The following UTP20 variants were observed in gnomAD, a reference collection of about 807,000 sequenced individuals.
UTP20 encodes small subunit processome component 20 homolog.
Under a neutral mutation model 329.5 loss-of-function variants are expected in UTP20, and 164 were observed. The ratio of observed to expected loss-of-function variants is 0.50; its 90% CI spans 0.44 to 0.57. The LOEUF is 0.57. UTP20 is among the 20% of genes least tolerant of loss of function. The pLI, the probability that UTP20 is intolerant of heterozygous loss-of-function variation, is 0.00. For synonymous variants in UTP20, 1,151 were observed against 1,159.3 expected, an observed-to-expected ratio of 0.99 and a Z score of 0.14; for missense variants, 3,055 against 3,284.2, an observed-to-expected ratio of 0.93 and a Z score of 1.71.
At chr12:101,380,073 G>A (rs903537073) in intron 57 of UTP20, among the ~76,000 whole-genome samples, 2 of 152,098 alleles carry the variant, frequency 1.3e-5, no homozygotes, top group African/African-American at 4.8e-5. Flanking sequence ...ATGAGATCAC[G>A]TTCATGAAAA....
chr12:101,306,187 G>A (rs1342342918), intron 16 of UTP20, 122 bp downstream of exon 16: 26 of 1,254,878 alleles, frequency 2.1e-5, no homozygotes, highest in Non-Finnish European at 2.6e-5. Context: ...TGTTTAAAGC[G>A]ATGATTCTTA....
In UTP20 at chr12:101,292,001, T is replaced by A; in HGVS notation, c.1070T>A (p.Leu357His). Residue 357 changes from leucine (L) to histidine (H), a missense_variant, in exon 10 of 62, where the codon CTC (leucine) becomes CAC (histidine). Physicochemically the swap from Leu to His is moderately conservative, Grantham distance 99. Around this residue, in one of 3 missense-constraint regions of UTP20, gnomAD observed 2,445 missense variants for 2,575.5 expected, o/e 0.95. Coordinates refer to ENST00000261637, the MANE Select transcript of UTP20 (RefSeq NM_014503.3). ...VLSQTLQVASLSTSCWETLLD... is the reference protein window; with the variant it reads ...VLSQTLQVASHSTSCWETLLD... Reference sequence around the variant, plus strand: ...TCTCAAACACTGCAAGTAGCCAGTCTCTCCACATCTTGCTGGGAGACCCTC... The same window carrying A: ...TCTCAAACACTGCAAGTAGCCAGTCACTCCACATCTTGCTGGGAGACCCTC... The A allele has an allele frequency of 1.2e-6, 2 of 1,613,712 alleles. No homozygotes were observed. The highest frequency in any genetic ancestry group is 4.5e-5 in the East Asian group (2 of 44,864).
intron 8 of UTP20, chr12:101,291,227 G>T (rs977273799): frequency 5.4e-6 from 1 of 186,558 alleles, no homozygotes; most frequent in Non-Finnish European, 1.1e-5. Context: ...CTCCCTCAGG[G>T]TTGCTGTGAG....
At chr12:101,308,130 T>C in intron 17 of UTP20, 55 bp from the exon 18 acceptor site, 1 of 1,433,284 alleles carries the variant, frequency 7.0e-7, no homozygotes, top group Non-Finnish European at 9.2e-7. Flanking sequence ...TAATGTTCTT[T>C]TTGGAAAATC....
intron 41 of UTP20, among the ~76,000 whole-genome samples, 186 bp from the exon 42 acceptor site, chr12:101,356,368 C>T (rs1021868824): frequency 3.9e-5 from 6 of 152,304 alleles, no homozygotes; most frequent in Non-Finnish European, 7.4e-5. Flanking sequence ...TCAGGTGATC[C>T]GCCCACCTTG....
intron 23 of UTP20, among the ~76,000 whole-genome samples, chr12:101,320,158 G>T (rs1248157620): frequency 6.6e-6 from 1 of 152,160 alleles, no homozygotes; most frequent in African/African-American, 2.4e-5. Context: ...TCATTTGGAT[G>T]TTTCTTCTGG....
rs1178583852 is a variant in UTP20 at position 101,280,260 on chromosome 12, C to T, written c.-23C>T. 7 of 1,551,562 alleles carry T rather than the reference C, an allele frequency of 4.5e-6. No individual in the cohort carries two copies. The highest frequency in any genetic ancestry group is 6.1e-6 in the Non-Finnish European group (7 of 1,146,970). ...CCCTTCGACACTCCCGAGGCCGTCG[C>T]GGGCCACTGGCCCTCTGCAGCCATG... On this transcript the variant is annotated 5_prime_UTR_variant, in exon 1 of 62. Transcript: ENST00000261637.
chr12:101,324,941 A>G (rs535934964), intron 25 of UTP20, among the ~76,000 whole-genome samples: 45 of 152,324 alleles, frequency 3.0e-4, no homozygotes, highest in Non-Finnish European at 5.6e-4. Flanking sequence ...TTTTTGCTAC[A>G]TAACTAATTA....
intron 12 of UTP20, among the ~76,000 whole-genome samples, chr12:101,296,300 G>T (rs187625156): frequency 2.8e-4 from 42 of 152,270 alleles, no homozygotes; most frequent in Non-Finnish European, 4.4e-4. Flanking sequence ...GGCCAGGCGC[G>T]GTGGCTCACG....
At chr12:101,343,256 A>G (rs940118500) in intron 35 of UTP20, among the ~76,000 whole-genome samples, 163 bp downstream of exon 35, 1 of 152,218 alleles carries the variant, frequency 6.6e-6, no homozygotes, top group African/African-American at 2.4e-5. Flanking sequence ...CAAAACAGTT[A>G]TTCTCATGAT....
At chr12:101,311,825 G>A in intron 20 of UTP20, 27 bp downstream of exon 20, 2 of 1,589,780 alleles carry the variant, frequency 1.3e-6, no homozygotes, top group Non-Finnish European at 1.7e-6. Flanking sequence ...TGAGGAAGCT[G>A]CGAAGAAAAG....
chr12:101,318,047 A>G (rs1482518875), intron 22 of UTP20, among the ~76,000 whole-genome samples: 2 of 152,132 alleles, frequency 1.3e-5, no homozygotes, highest in African/African-American at 2.4e-5. Flanking sequence ...CTTTTTCTTA[A>G]AAATAAGCAT....
intron 29 of UTP20, among the ~76,000 whole-genome samples, chr12:101,336,606 T>C (rs1868941601): frequency 6.6e-6 from 1 of 152,216 alleles, no homozygotes; most frequent in African/African-American, 2.4e-5. Context: ...AGCCCCAGCA[T>C]AGCAGTCTCT....
intron 16 of UTP20, 141 bp from the exon 17 acceptor site, chr12:101,306,557 AG>A: frequency 4.8e-6 from 3 of 624,564 alleles, no homozygotes; most frequent in Non-Finnish European, 7.7e-6. Context: ...ATATGAAATA[AG>A]GGCTAGAATA....
chr12:101,367,460 C>A (rs972686700), intron 47 of UTP20, among the ~76,000 whole-genome samples: 2 of 152,126 alleles, frequency 1.3e-5, no homozygotes, highest in Non-Finnish European at 2.9e-5. Flanking sequence ...TAGGAACTCA[C>A]CACCCACTCT....
chr12:101,301,401 C>T (rs1166855870), intron 14 of UTP20, among the ~76,000 whole-genome samples: 1 of 152,104 alleles, frequency 6.6e-6, no homozygotes, highest in Non-Finnish European at 1.5e-5. Flanking sequence ...GGTGTGGTGG[C>T]TCATGCCGGT....
intron 29 of UTP20, among the ~76,000 whole-genome samples, chr12:101,337,381 A>C (rs1868968106): frequency 6.6e-6 from 1 of 152,190 alleles, no homozygotes; most frequent in African/African-American, 2.4e-5. Context: ...CCTTCCTAGT[A>C]ATTGTTAGGA....
chr12:101,332,685 T>A (rs1160473952), intron 27 of UTP20, among the ~76,000 whole-genome samples: 3 of 152,228 alleles, frequency 2.0e-5, no homozygotes, highest in Non-Finnish European at 4.4e-5. Context: ...GAACTATGTA[T>A]GTTGAGATCT....
chr12:101,329,998 A>C (rs1868705566), intron 27 of UTP20, among the ~76,000 whole-genome samples: 1 of 147,114 alleles, frequency 6.8e-6, no homozygotes, highest in Non-Finnish European at 1.5e-5. Flanking sequence ...CTGCCTCTTA[A>C]AAAAAAAAAA....
Sources: allele counts gnomAD v4.1 joint callset (sites outside exome capture counted in the v4.1 genomes callset), GRCh38; gene constraint gnomAD v4.1.1; regional missense constraint gnomAD v4.1.1; transcripts MANE v1.5; gene names NCBI Gene and HGNC (gene_info 2026-07-23, HGNC 2026-07-21).